The following PKNOX1 variants were observed in gnomAD, a reference collection of about 807,000 sequenced individuals.
PKNOX1 encodes the protein PBX/knotted 1 homeobox 1.
Under a neutral mutation model 51.9 loss-of-function variants are expected in PKNOX1, and 15 were observed. The observed-to-expected ratio is 0.29, with a 90% CI of 0.19 to 0.45. The LOEUF (loss-of-function observed/expected upper bound fraction) is 0.45, where lower values mean the gene tolerates loss of function less well. Ranked by LOEUF, PKNOX1 falls within the 20% of genes least tolerant of loss-of-function variation. PKNOX1 has a pLI of 1.00. For missense variants in PKNOX1, 462 were observed against 547.5 expected (o/e 0.84, Z 1.56); for synonymous variants, 219 against 211.1 (o/e 1.04, Z -0.32).
chr21:42,981,322 C>T (rs1043921126), intron 1 of PKNOX1, among the ~76,000 whole-genome samples: 9 of 152,242 alleles, frequency 5.9e-5, no homozygotes, highest in African/African-American at 2.2e-4. Flanking sequence ...AGTCTGGAGC[C>T]TGGCCTGTTC....
At chr21:43,003,049 G>A (rs1978831588) in intron 1 of PKNOX1, among the ~76,000 whole-genome samples, 1 of 152,184 alleles carries the variant, frequency 6.6e-6, no homozygotes, top group South Asian at 2.1e-4. Context: ...AGGACAGGAC[G>A]GTAGTCCTTC....
intron 6 of PKNOX1, chr21:43,017,570 C>T (rs1262662145): frequency 1.3e-5 from 2 of 150,986 alleles, no homozygotes; most frequent in Non-Finnish European, 2.9e-5. Context: ...AAAAAAAGCA[C>T]CATTGATCCA....
chr21:43,013,291 A>C, intron 5 of PKNOX1, 53 bp downstream of exon 5: 1 of 1,339,180 alleles, frequency 7.5e-7, no homozygotes, highest in Non-Finnish European at 1.0e-6. Flanking sequence ...GAACATCTGC[A>C]TTGAGTCATG....
intron 1 of PKNOX1, among the ~76,000 whole-genome samples, chr21:42,977,537 CTTTTTTT>C (rs3044504): frequency 8.5e-5 from 4 of 47,116 alleles, no homozygotes; most frequent in Non-Finnish European, 1.1e-4. Flanking sequence ...CTGCTTCCAA[CTTTTTTT>C]TTTTTTTTTT....
chr21:42,980,037 C>A (rs1568885761), intron 1 of PKNOX1, among the ~76,000 whole-genome samples: 1 of 152,136 alleles, frequency 6.6e-6, no homozygotes. Context: ...TTCCTGTACT[C>A]TATATGTAGT....
At chr21:42,977,466 A>G (rs956068552) in intron 1 of PKNOX1, among the ~76,000 whole-genome samples, 26 of 147,958 alleles carry the variant, frequency 1.8e-4, no homozygotes, top group Admixed American at 1.5e-3. Flanking sequence ...TTGCTGCTTC[A>G]CCTTGTACTT....
intron 1 of PKNOX1, among the ~76,000 whole-genome samples, chr21:43,000,820 C>A (rs552208777): frequency 1.3e-5 from 2 of 152,182 alleles, no homozygotes; most frequent in South Asian, 2.1e-4. Context: ...GAAGTCGGGG[C>A]CCCAGTGAGC....
At chr21:42,992,074 T>G (rs369335549) in intron 1 of PKNOX1, among the ~76,000 whole-genome samples, 5 of 152,262 alleles carry the variant, frequency 3.3e-5, no homozygotes, top group Non-Finnish European at 7.3e-5. Context: ...AGCTGCATTC[T>G]GGTCACAGCT....
intron 1 of PKNOX1, among the ~76,000 whole-genome samples, chr21:42,980,574 C>T (rs557068853): frequency 1.3e-5 from 2 of 152,224 alleles, no homozygotes; most frequent in South Asian, 4.1e-4. Flanking sequence ...TAAATTTTCA[C>T]GTTTGCTTGG....
At position 43,004,440 on chromosome 21, in the gene PKNOX1, T is replaced by A. The variant is rs375549095; in HGVS notation, c.51+8T>A. 2.5e-6 allele frequency: 4 copies of A among 1,583,456 alleles called. No homozygotes were observed. Among genetic ancestry groups the A allele is most frequent in the East Asian group, 4.5e-5 (2 of 44,724 alleles). ...TATCAAGATGGGCAACAGGTGAGCT[T>A]GAACTTGATTCTGCATTCTAATTAC... On this transcript the variant is annotated splice_region_variant and intron_variant, in intron 2 of 10. Coordinates refer to ENST00000291547, the MANE Select transcript of PKNOX1 (RefSeq NM_004571.5).
chr21:43,001,335 C>T (rs943058545), intron 1 of PKNOX1, among the ~76,000 whole-genome samples: 8 of 152,202 alleles, frequency 5.3e-5, no homozygotes, highest in South Asian at 2.1e-4. Flanking sequence ...AGGATTCCCC[C>T]GGGCTGTGAG....
rs1178576380 is a variant in PKNOX1, at chr21:43,031,050, G to T, written c.*949G>T. 1 of 152,656 alleles carries T rather than the reference G, an allele frequency of 6.6e-6. No homozygotes were observed. The highest frequency in any genetic ancestry group is 6.5e-5 in the Admixed American group (1 of 15,288). The allele number at this position is 152,656 out of a possible 1,614,324, so 9.5% of individuals were successfully genotyped here. On this transcript the variant is annotated 3_prime_UTR_variant, in exon 11 of 11. Coordinates refer to ENST00000291547, the MANE Select transcript of PKNOX1 (RefSeq NM_004571.5). ...GGTAAGTGAGGTGAAATGGTAGCCAGTGACCCGTTAGGAGCTCTCACCGTA... is the reference window on the plus strand; with the variant it reads ...GGTAAGTGAGGTGAAATGGTAGCCATTGACCCGTTAGGAGCTCTCACCGTA...
At chr21:43,024,749 A>G in intron 8 of PKNOX1, 122 bp from the exon 9 acceptor site, 1 of 655,940 alleles carries the variant, frequency 1.5e-6, no homozygotes, top group South Asian at 1.8e-5. Context: ...GGTTTTGGCT[A>G]GAAGCACTGT....
At chr21:43,027,643 G>A (rs1009723727) in intron 9 of PKNOX1, among the ~76,000 whole-genome samples, 6 of 151,078 alleles carry the variant, frequency 4.0e-5, no homozygotes, top group African/African-American at 1.5e-4. Flanking sequence ...TGTTGGGCCA[G>A]GTGCAGTGGC....
chr21:42,983,084 A>G lies in PKNOX1; in HGVS notation c.-57+8420A>G, dbSNP rs566018989. Among the ~76,000 whole-genome samples, 9 of 147,650 alleles carry G rather than the reference A, an allele frequency of 6.1e-5. No individual in the cohort carries two copies. In the East Asian group the frequency reaches 8.0e-4, roughly 13 times the overall value. On this transcript the variant is annotated intron_variant, in intron 1 of 10. Coordinates refer to ENST00000291547, the MANE Select transcript of PKNOX1 (RefSeq NM_004571.5). ...TGTTGCCTTTCAAAGTTCCAGGATTACAGGCATGAACCACTGTGGCTGGCC... is the reference window on the plus strand; with the variant it reads ...TGTTGCCTTTCAAAGTTCCAGGATTGCAGGCATGAACCACTGTGGCTGGCC...
rs746895331 is a variant in PKNOX1, at chr21:43,018,194, A to T, written c.684A>T (p.Thr228=). Residue 228 remains threonine (T), a synonymous_variant, in exon 7 of 11, where the codon ACA becomes ACT. Coordinates refer to ENST00000291547, the MANE Select transcript of PKNOX1 (RefSeq NM_004571.5). ...CCCAAGGCCAAGTGGTCACACAGACATTGTCGCCTGGGACAATTAGGATCC... is the reference window on the plus strand; with the variant it reads ...CCCAAGGCCAAGTGGTCACACAGACTTTGTCGCCTGGGACAATTAGGATCC... ...VTPQGQVVTQ[T]LSPGTIRIQN... The T allele has an allele frequency of 6.2e-7, 1 of 1,613,920 alleles. No homozygotes were observed.
At chr21:42,986,415 C>G (rs2059052885) in intron 1 of PKNOX1, among the ~76,000 whole-genome samples, 1 of 151,930 alleles carries the variant, frequency 6.6e-6, no homozygotes, top group Non-Finnish European at 1.5e-5. Context: ...GTAGGAGAAT[C>G]CCTTGAACCT....
intron 9 of PKNOX1, 73 bp from the exon 10 acceptor site, chr21:43,028,629 G>A: frequency 1.4e-6 from 2 of 1,391,856 alleles, no homozygotes; most frequent in Non-Finnish European, 2.0e-6. Flanking sequence ...GTGTTTGTTA[G>A]AAGGATTTGT....
chr21:42,979,112 G>T (rs933410365), intron 1 of PKNOX1, among the ~76,000 whole-genome samples: 4 of 152,172 alleles, frequency 2.6e-5, no homozygotes, highest in African/African-American at 7.2e-5. Context: ...TGTTGCCTCG[G>T]CTGTCTCTTA....
Sources: gnomAD v4.1 joint callset for allele counts (sites outside exome capture counted in the v4.1 genomes callset) on GRCh38, gnomAD v4.1.1 for gene constraint, MANE v1.5 for transcripts, NCBI Gene and HGNC (gene_info 2026-07-23, HGNC 2026-07-21) for gene names.